OTUD7B: variants seen among roughly 807,000 people sequenced by gnomAD.
OTUD7B encodes the protein OTU deubiquitinase 7B.
Under a neutral mutation model 82.2 loss-of-function variants are expected in OTUD7B, and 34 were observed. The observed-to-expected ratio is 0.41, with a 90% confidence interval of 0.31 to 0.55. The LOEUF (loss-of-function observed/expected upper bound fraction) is 0.55, where lower values mean the gene tolerates loss of function less well. Among genes scored for constraint, OTUD7B ranks in the 20% least tolerant of loss-of-function variants. The pLI is 0.20. For synonymous variants in OTUD7B, 398 were observed against 402.7 expected (o/e 0.99, Z 0.14); for missense variants, 944 against 1,062.1 (o/e 0.89, Z 1.55).
At chr1:150,023,547 C>T in the OTUD7B span, among the ~76,000 whole-genome samples, 48,681 of 151,902 alleles carry the variant, frequency 0.32, 9,051 homozygotes, top group African/African-American at 0.51. Flanking sequence ...AGACAGATAC[C>T]GTATAATCTC....
Position 149,941,454 on chromosome 1 carries a change from G to A in OTUD7B, c.*2403C>T, listed in dbSNP as rs1553770395. 2.6e-5 allele frequency: 4 copies of A among 151,936 alleles called. No homozygotes were observed. 9.4% of individuals were successfully genotyped at this position (151,936 alleles called of 1,614,324 possible). On this transcript the variant is annotated 3_prime_UTR_variant, in exon 12 of 12. Coordinates refer to ENST00000581312, the MANE Select transcript of OTUD7B (RefSeq NM_020205.4). ...TGATGGGGGTGGAGGCGCACACAGT[G>A]GTGTTCTCGCTAGTGTTCAAATCAC...
intron 1 of OTUD7B, among the ~76,000 whole-genome samples, chr1:149,987,376 G>T (rs587611702): frequency 1.3e-5 from 2 of 152,320 alleles, no homozygotes; most frequent in East Asian, 3.9e-4. Flanking sequence ...TCTGGATTCA[G>T]ACAGATCTTG....
At chr1:150,046,741 G>A in the OTUD7B span, among the ~76,000 whole-genome samples, 3 of 149,270 alleles carry the variant, frequency 2.0e-5, no homozygotes, top group Non-Finnish European at 4.5e-5. Flanking sequence ...TAGCCACCAC[G>A]TCTGGCCTCC....
chr1:149,951,001 TAG>T (rs1648202623), intron 7 of OTUD7B, among the ~76,000 whole-genome samples: 1 of 63,720 alleles, frequency 1.6e-5, no homozygotes, highest in Non-Finnish European at 2.7e-5. Flanking sequence ...TTTTTTTTTG[TAG>T]ATGGAGTCTC....
At chr1:149,945,423 T>C (rs1334834846) in intron 11 of OTUD7B, among the ~76,000 whole-genome samples, 1 of 152,190 alleles carries the variant, frequency 6.6e-6, no homozygotes, top group East Asian at 1.9e-4. Context: ...TGAGCAACCA[T>C]ATGATACGTG....
rs781941856 is a variant in OTUD7B at position 149,947,295 on chromosome 1, T to C, written c.1279A>G (p.Ser427Gly). Reference protein sequence around the residue: ...SLEVKLHLLHSYMNVKWIPLS... With the variant: ...SLEVKLHLLHGYMNVKWIPLS... ...GGGATCCACTTCACATTCATGTAGCTATGCAGCAGATGCAATTTGACCTCT... is the reference window on the plus strand; with the variant it reads ...GGGATCCACTTCACATTCATGTAGCCATGCAGCAGATGCAATTTGACCTCT... The change falls in exon 11 of 12, where the codon AGC (serine) becomes GGC (glycine). Residue 427 changes from serine to glycine, a missense_variant. Transcript: ENST00000581312. 2 of 1,611,472 alleles carry C rather than the reference T, an allele frequency of 1.2e-6. No homozygotes were observed. Among genetic ancestry groups the C allele is most frequent in the African/African-American group, 1.3e-5 (1 of 74,966 alleles).
At chr1:150,054,376 G>T in the OTUD7B span, 1 of 539,424 alleles carries the variant, frequency 1.9e-6, no homozygotes. Context: ...CTAGTGGCTG[G>T]TTACTTGTGA....
At chr1:149,952,174 T>TGAG (rs1255915322) in intron 7 of OTUD7B, among the ~76,000 whole-genome samples, 2 of 151,774 alleles carry the variant, frequency 1.3e-5, no homozygotes, top group East Asian at 3.9e-4. Flanking sequence ...ACATTAGATA[T>TGAG]ATCTCCTAAT....
chr1:150,009,638 G>T (rs1652893866), intron 1 of OTUD7B, among the ~76,000 whole-genome samples: 1 of 151,932 alleles, frequency 6.6e-6, no homozygotes, highest in South Asian at 2.1e-4. Flanking sequence ...CATCTTTATT[G>T]TGCCCAGAGA....
At position 149,942,241 on chromosome 1, in the gene OTUD7B, C is replaced by T. The variant is rs1256106677; in HGVS notation, c.*1616G>A. The T allele has an allele frequency of 3.9e-5, 6 of 152,604 alleles. No individual in the cohort carries two copies. Among genetic ancestry groups the T allele is most frequent in the African/African-American group, 1.4e-4 (6 of 41,426 alleles). The allele number at this position is 152,604 out of a possible 1,614,324, so 9.5% of individuals were successfully genotyped here. On this transcript the variant is annotated 3_prime_UTR_variant, in exon 12 of 12. Coordinates refer to ENST00000581312, the MANE Select transcript of OTUD7B (RefSeq NM_020205.4). ...AAACAGCCCCAGTTAATACTCTGGA[C>T]ACATAAGTACACTTATTCCCCTTCT...
At chr1:150,048,995 G>A in the OTUD7B span, among the ~76,000 whole-genome samples, 1 of 151,958 alleles carries the variant, frequency 6.6e-6, no homozygotes, top group Non-Finnish European at 1.5e-5. Context: ...ACCACACTCG[G>A]CTAATTTTTG....
intron 1 of OTUD7B, among the ~76,000 whole-genome samples, chr1:150,002,435 G>A (rs1015296798): frequency 6.6e-5 from 10 of 152,224 alleles, no homozygotes; most frequent in South Asian, 2.1e-4. Context: ...CCAGGGCACC[G>A]AACTGCCCCT....
intron 2 of OTUD7B, among the ~76,000 whole-genome samples, chr1:149,976,170 G>A (rs1193092845): frequency 5.3e-5 from 8 of 152,102 alleles, no homozygotes; most frequent in African/African-American, 1.9e-4. Flanking sequence ...CTAAGGGCTG[G>A]CAATTTAAAA....
chr1:150,049,816 G>A, the OTUD7B span, among the ~76,000 whole-genome samples: 222 of 151,966 alleles, frequency 1.5e-3, 1 homozygote, highest in African/African-American at 5.2e-3. Context: ...GAACTACTGG[G>A]CTCCGCCTTG....
the OTUD7B span, among the ~76,000 whole-genome samples, chr1:150,050,330 A>G: frequency 6.6e-6 from 1 of 152,236 alleles, no homozygotes; most frequent in Admixed American, 6.5e-5. Context: ...CAATAAAAAG[A>G]AGATAGCACT....
At chr1:150,024,324 T>A in the OTUD7B span, among the ~76,000 whole-genome samples, 2 of 152,316 alleles carry the variant, frequency 1.3e-5, no homozygotes, top group Non-Finnish European at 2.9e-5. Flanking sequence ...AGGAGCTTGT[T>A]CCTGATTATC....
At position 149,950,975 on chromosome 1, in the gene OTUD7B, GTATTTTT is replaced by G. The variant is rs1648182022; in HGVS notation, c.846-761_846-755del. ...CCCGGTCTAATTTTTTGTACTTTTT[GTATTTTT>G]TTTTTTTTTTTTTTTTTGTAGATGG... On this transcript the variant is annotated intron_variant, in intron 7 of 11. Transcript: ENST00000581312. 4.1e-3 allele frequency among the ~76,000 whole-genome samples: 50 copies of G among 12,250 alleles called. 8 individuals carry two copies. The Admixed American group carries it at 0.051, about 12-fold the overall frequency. 8.0% of individuals were successfully genotyped at this position (12,250 alleles called of 152,430 possible). A position where few individuals can be genotyped will look rare whatever the true frequency, so the allele number is the denominator to read the frequency against.
At chr1:150,017,991 G>A in the OTUD7B span, among the ~76,000 whole-genome samples, 1 of 152,118 alleles carries the variant, frequency 6.6e-6, no homozygotes, top group South Asian at 2.1e-4. Context: ...TCAGCACTGT[G>A]GCTGTTCCCA....
At chr1:149,994,529 T>C (rs1457251290) in intron 1 of OTUD7B, among the ~76,000 whole-genome samples, 1 of 134,706 alleles carries the variant, frequency 7.4e-6, no homozygotes, top group Non-Finnish European at 1.5e-5. Context: ...CAGGTTGCAG[T>C]GAGCTGAGAT....
Sources: allele counts gnomAD v4.1 joint callset (sites outside exome capture counted in the v4.1 genomes callset), GRCh38; gene constraint gnomAD v4.1.1; transcripts MANE v1.5; gene names NCBI Gene and HGNC (gene_info 2026-07-23, HGNC 2026-07-21).